Variants in DND1 observed in about 807,000 individuals in gnomAD.
DND1 encodes the protein dead end protein homolog 1.
Under a neutral mutation model 30.4 loss-of-function variants are expected in DND1, and 6 were observed. That is an observed-to-expected ratio of 0.20 (90% CI 0.11 to 0.39). DND1 has a LOEUF of 0.39. Ranked by LOEUF, DND1 falls within the 10% of genes least tolerant of loss-of-function variation. The pLI, the probability that DND1 is intolerant of heterozygous loss-of-function variation, is 1.00. For synonymous variants in DND1, 178 were observed against 210.4 expected (o/e 0.85, Z 1.33); for missense variants, 358 against 474.9 (o/e 0.75, Z 2.29).
chr5:140,671,348 C>G lies in DND1; in HGVS notation c.1007G>C (p.Gly336Ala), dbSNP rs1297867018. The G allele has an allele frequency of 6.2e-7, 1 of 1,612,872 alleles. No individual in the cohort carries two copies. The highest frequency in any genetic ancestry group is 1.7e-5 in the Admixed American group (1 of 60,024). ...CCCAGCAGACCACAGGAGGTTGGCC[C>G]CAGACTCACTGAGTGCCTGCAGCAG... ...VRLLQALSES[G>A]ANLLWSAGAE... The change falls in exon 4 of 4, where the codon GGG becomes GCG. Residue 336 changes from glycine to alanine, a missense_variant. Transcript: ENST00000542735.
chr5:140,671,927 A>G (rs1758086658), intron 3 of DND1, 177 bp from the exon 4 acceptor site: 2 of 699,748 alleles, frequency 2.9e-6, no homozygotes, highest in South Asian at 1.7e-5. Context: ...CAAAGGGAGT[A>G]TAACACACTG....
intron 3 of DND1, 66 bp from the exon 4 acceptor site, chr5:140,671,816 C>A: frequency 6.6e-7 from 1 of 1,505,986 alleles, no homozygotes; most frequent in South Asian, 1.2e-5. Context: ...GGTGGTGAGC[C>A]CTTTGGAGCT....
chr5:140,673,499 C>G lies in DND1; in HGVS notation c.24+20G>C, dbSNP rs1013349980. 6.9e-6 allele frequency: 11 copies of G among 1,603,392 alleles called. No individual in the cohort carries two copies. Among genetic ancestry groups the G allele is most frequent in the Non-Finnish European group, 7.7e-6 (9 of 1,174,864 alleles). ...CCGCTCCGGCGGGGCTCGCCGGCCC[C>G]CAAGTCGCCAGCCGCTTACCTCACA... On this transcript the variant is annotated intron_variant, in intron 1 of 3. Transcript: ENST00000542735.
At chr5:140,673,417 G>A in intron 1 of DND1, 29 bp from the exon 2 acceptor site, 1 of 1,613,964 alleles carries the variant, frequency 6.2e-7, no homozygotes. Flanking sequence ...TTGGAATGGC[G>A]GATCGCCAAG....
chr5:140,673,416 C>T (rs929216982), intron 1 of DND1, 28 bp from the exon 2 acceptor site: 2 of 1,613,888 alleles, frequency 1.2e-6, no homozygotes, highest in African/African-American at 2.7e-5. Flanking sequence ...GTTGGAATGG[C>T]GGATCGCCAA....
At chr5:140,672,132 T>C (rs1192846627) in intron 3 of DND1, 2 of 549,072 alleles carry the variant, frequency 3.6e-6, no homozygotes, top group Non-Finnish European at 6.5e-6. Context: ...AAAAGCTCAG[T>C]TGGATTCCCT....
chr5:140,672,399 G>T, intron 3 of DND1, 46 bp downstream of exon 3: 2 of 1,540,162 alleles, frequency 1.3e-6, no homozygotes, highest in South Asian at 1.2e-5. Context: ...ATAAAGTGCC[G>T]GGCAGAACGC....
In DND1 at chr5:140,671,363, G is replaced by A. The variant is rs374411522; in HGVS notation, c.992C>T (p.Ala331Val). The A allele has an allele frequency of 2.5e-6, 4 of 1,612,672 alleles. No homozygotes were observed. The highest frequency in any genetic ancestry group is 3.4e-6 in the Non-Finnish European group (4 of 1,179,898). ...GAGGTTGGCCCCAGACTCACTGAGTGCCTGCAGCAGCCGTACAGACACAGC... is the reference window on the plus strand; with the variant it reads ...GAGGTTGGCCCCAGACTCACTGAGTACCTGCAGCAGCCGTACAGACACAGC... ...KDAVSVRLLQ[A>V]LSESGANLLW... Residue 331 changes from alanine (A) to valine (V), a missense_variant, in exon 4 of 4, where the codon GCA becomes GTA. By Grantham distance (64) the Ala-to-Val change is moderately conservative (BLOSUM62 0). Transcript: ENST00000542735.
Position 140,673,038 on chromosome 5 carries a change from TGGTTGGCATAATTAG to T in DND1, c.143-147_143-133del, listed in dbSNP as rs1758135891. ...AATGGGTTTACACCCGTACCCTGGG[TGGTTGGCATAATTAG>T]GTGACTGCGCTAACAAGGGGGCTGG... On this transcript the variant is annotated intron_variant, in intron 2 of 3. Coordinates refer to ENST00000542735, the MANE Select transcript of DND1 (RefSeq NM_194249.3). 8 of 1,145,780 alleles carry T rather than the reference TGGTTGGCATAATTAG, an allele frequency of 7.0e-6. No homozygotes were observed. In the South Asian group the frequency reaches 1.0e-4, roughly 15 times the overall value. 71.0% of individuals were successfully genotyped at this position (1,145,780 alleles called of 1,614,324 possible). A position where few individuals can be genotyped will look rare whatever the true frequency, so the allele number is the denominator to read the frequency against.
At chr5:140,673,175 G>C in intron 2 of DND1, 96 bp downstream of exon 2, 3 of 1,371,000 alleles carry the variant, frequency 2.2e-6, no homozygotes, top group Admixed American at 3.4e-5. Context: ...ATAAATCCGG[G>C]TAGTTCGCAG....
At position 140,671,647 on chromosome 5, in the gene DND1, T is replaced by C. The variant is rs756967253; in HGVS notation, c.708A>G (p.Pro236=). Residue 236 remains proline, a synonymous_variant, in exon 4 of 4, where the codon CCA becomes CCG. Transcript: ENST00000542735. ...AAGCCAACTGGCTGCCCTCTGGCTG[T>C]GGGGACCGCAAGAAGGGACCCACAA... ...QQLVGPFLRS[P]QPEGSQLALA... is the part of the protein sequence containing the mutation. The C allele has an allele frequency of 2.4e-5, 38 of 1,579,856 alleles. No homozygotes were observed. Among genetic ancestry groups the C allele is most frequent in the Admixed American group, 3.7e-5 (2 of 54,510 alleles).
chr5:140,672,417 C>T lies in DND1; in HGVS notation c.604+28G>A, dbSNP rs781107278. On this transcript the variant is annotated intron_variant, in intron 3 of 3. Transcript: ENST00000542735. ...AAGTGCCGGGCAGAACGCGTTTGGC[C>T]CCAACCAGCACCCCCGCCCCAGCCT... is the stretch of plus-strand genomic sequence containing the variant. The T allele has an allele frequency of 1.9e-6, 3 of 1,570,398 alleles. No homozygotes were observed. In the East Asian group the frequency reaches 7.0e-5, roughly 36 times the overall value.
chr5:140,671,807 G>A (rs1758083884), intron 3 of DND1, 57 bp from the exon 4 acceptor site: 1 of 1,534,798 alleles, frequency 6.5e-7, no homozygotes, highest in African/African-American at 1.4e-5. Context: ...AAGCCTCCAG[G>A]TGGTGAGCCC....
In DND1 at chr5:140,671,145, TC is replaced by T; in HGVS notation, c.*147del. 9.9e-7 allele frequency: 1 copy of T among 1,009,652 alleles called. No homozygotes were observed. The highest frequency in any genetic ancestry group is 1.5e-6 in the Non-Finnish European group (1 of 666,652). 62.5% of individuals were successfully genotyped at this position (1,009,652 alleles called of 1,614,324 possible). A position where few individuals can be genotyped will look rare whatever the true frequency, so the allele number is the denominator to read the frequency against. Reference sequence around the variant, plus strand: ...CTAAGCTGCCCCCAGGTGCCATAGGTCCCTGTCCCAGCAGGGAGGCTGATGG... The same window carrying T: ...CTAAGCTGCCCCCAGGTGCCATAGGTCCTGTCCCAGCAGGGAGGCTGATGG... On this transcript the variant is annotated 3_prime_UTR_variant, in exon 4 of 4. Coordinates refer to ENST00000542735, the MANE Select transcript of DND1 (RefSeq NM_194249.3).
chr5:140,673,049 A>AT (rs1758136261), intron 2 of DND1, 143 bp from the exon 3 acceptor site: 2 of 1,076,580 alleles, frequency 1.9e-6, no homozygotes, highest in Non-Finnish European at 2.8e-6. Context: ...GGTTGGCATA[A>AT]TTAGGTGACT....
chr5:140,671,476 C>T lies in DND1; in HGVS notation c.879G>A (p.Val293=), dbSNP rs1176628733. 21 of 1,605,894 alleles carry T rather than the reference C, an allele frequency of 1.3e-5. No homozygotes were observed. Residue 293 remains valine, a synonymous_variant, in exon 4 of 4, where the codon GTG becomes GTA. Transcript: ENST00000542735. The part of the protein sequence containing the change: ...AGWHRFWYQV[V]IPGHPVPFSG... ...TGAAGGGCACCGGATGCCCAGGAATCACCACCTGGTACCAGAAGCGGTGCC... is the reference window on the plus strand; with the variant it reads ...TGAAGGGCACCGGATGCCCAGGAATTACCACCTGGTACCAGAAGCGGTGCC...
At chr5:140,672,154 A>G (rs1758097094) in intron 3 of DND1, 6 of 560,710 alleles carry the variant, frequency 1.1e-5, no homozygotes, top group Admixed American at 3.1e-5. Context: ...GAGCAAATCA[A>G]TTTCTCTAAC....
At chr5:140,672,939 G>T in intron 2 of DND1, 33 bp from the exon 3 acceptor site, 1 of 1,535,484 alleles carries the variant, frequency 6.5e-7, no homozygotes, top group South Asian at 1.2e-5. Context: ...GCCACCGTCA[G>T]GCGACGCTTT....
In DND1 at chr5:140,672,587, C is replaced by G; in HGVS notation, c.462G>C (p.Leu154=). The change falls in exon 3 of 4, where the codon CTG becomes CTC. Residue 154 remains leucine (L), a synonymous_variant. Coordinates refer to ENST00000542735, the MANE Select transcript of DND1 (RefSeq NM_194249.3). ...GACCCAGCGGCTGCAGCGCGAGCAG[C>G]AGCGCGCTGCGGGTCAGATTCGGCG... ...GLPPNLTRSA[L]LLALQPLGPG... is the part of the protein sequence containing the mutation. 6.3e-7 allele frequency: 1 copy of G among 1,576,348 alleles called. No individual in the cohort carries two copies. The highest frequency in any genetic ancestry group is 2.3e-5 in the East Asian group (1 of 43,488).
Sources: gnomAD v4.1 joint callset for allele counts on GRCh38, gnomAD v4.1.1 for gene constraint, MANE v1.5 for transcripts, NCBI Gene and HGNC (gene_info 2026-07-23, HGNC 2026-07-21) for gene names.